The following PI4KA variants were observed in gnomAD, a reference collection of about 807,000 sequenced individuals.
The protein encoded by PI4KA is phosphatidylinositol 4-kinase alpha.
PI4KA carries 122 observed loss-of-function variants against 271.4 expected under a neutral mutation model. That is an observed-to-expected ratio of 0.45 (90% CI 0.39 to 0.52). The LOEUF is 0.52. PI4KA is among the 20% of genes least tolerant of loss of function. PI4KA has a pLI of 0.00. For synonymous variants in PI4KA, 1,041 were observed against 1,078.8 expected, an observed-to-expected ratio of 0.96 and a Z score of 0.69; for missense variants, 1,969 against 2,769.1, an observed-to-expected ratio of 0.71 and a Z score of 6.48.
intron 19 of PI4KA, among the ~76,000 whole-genome samples, chr22:20,784,789 T>C (rs1934077526): frequency 6.6e-6 from 1 of 152,198 alleles, no homozygotes; most frequent in Non-Finnish European, 1.5e-5. Flanking sequence ...ATTGAGATTA[T>C]TATTGGGTCA....
In PI4KA at chr22:20,714,621, C is replaced by G; in HGVS notation, c.5390+7G>C. 6.2e-7 allele frequency: 1 copy of G among 1,613,988 alleles called. No individual in the cohort carries two copies. The highest frequency in any genetic ancestry group is 1.1e-5 in the South Asian group (1 of 91,082). On this transcript the variant is annotated splice_region_variant and intron_variant, in intron 46 of 54. Coordinates refer to ENST00000255882, the MANE Select transcript of PI4KA (RefSeq NM_058004.4). ...GAAGTGGGGGATGGGTAGGGTGAGG[C>G]GCCCACCTCTGCATCGGGGTCCCAG...
intron 8 of PI4KA, among the ~76,000 whole-genome samples, chr22:20,812,012 CAAAA>C (rs361795): frequency 1.3e-5 from 1 of 77,464 alleles, no homozygotes; most frequent in Non-Finnish European, 2.6e-5. Context: ...GACTCCATCT[CAAAA>C]AAAAAAAAAA....
At chr22:20,797,550 C>CTGT (rs1935057048) in intron 17 of PI4KA, among the ~76,000 whole-genome samples, 1 of 152,198 alleles carries the variant, frequency 6.6e-6, no homozygotes, top group African/African-American at 2.4e-5. Context: ...AGTCTTCAGG[C>CTGT]TGTTCTAGTA....
In PI4KA at chr22:20,818,543, G is replaced by A. The variant is rs1449765498; in HGVS notation, c.796C>T (p.Pro266Ser). The stretch of plus-strand genomic sequence containing the variant: ...CTGGGAGGGGGCATGCCGCGTTCAG[G>A]GCTGACCTGAAACACACAACCACAG... ...SSVSSISQVS[P>S]ERGMPPPSSP... Residue 266 changes from proline to serine, a missense_variant, in exon 7 of 55, where the codon CCT (proline) becomes TCT (serine). Physicochemically the swap from Pro to Ser is moderately conservative, Grantham distance 74. Around this residue, in one of 13 missense-constraint regions of PI4KA, gnomAD observed 540 missense variants for 555.5 expected, o/e 0.97. Transcript: ENST00000255882. 6.5e-7 allele frequency: 1 copy of A among 1,543,924 alleles called. No homozygotes were observed. The highest frequency in any genetic ancestry group is 2.3e-5 in the Admixed American group (1 of 44,206).
Position 20,729,490 on chromosome 22 carries a change from C to T in PI4KA, c.4505G>A (p.Arg1502His), listed in dbSNP as rs751448433. The change falls in exon 39 of 55, where the codon CGT becomes CAT. Residue 1502 changes from arginine (R) to histidine (H), a missense_variant. This residue lies in a region of PI4KA where 388 missense variants were observed against 521.5 expected (regional missense o/e 0.74). Transcript: ENST00000255882. ...CAGCGGGTTGTACCATGTGATGAGA[C>T]GCTCGATCTCAGTGGCCTGGCAAGA... ...LLSLLATEIE[R>H]LITWYNPLSA... 1.6e-4 allele frequency: 253 copies of T among 1,599,612 alleles called. No homozygotes were observed. The highest frequency in any genetic ancestry group is 2.0e-4 in the Non-Finnish European group (240 of 1,172,412).
At chr22:20,719,156 C>T (rs1160354793) in intron 43 of PI4KA, among the ~76,000 whole-genome samples, 2 of 151,880 alleles carry the variant, frequency 1.3e-5, no homozygotes, top group African/African-American at 4.8e-5. Context: ...CTGCTGCACA[C>T]GCAGGGAGAA....
intron 3 of PI4KA, among the ~76,000 whole-genome samples, chr22:20,830,246 C>T (rs1185385539): frequency 2.0e-5 from 3 of 152,156 alleles, no homozygotes; most frequent in African/African-American, 7.2e-5. Flanking sequence ...GTTGAAGTGT[C>T]CCAGTTATTA....
At position 20,805,067 on chromosome 22, in the gene PI4KA, G is replaced by A. The variant is rs201829039; in HGVS notation, c.1267C>T (p.Arg423Trp). The A allele has an allele frequency of 1.3e-5, 21 of 1,614,054 alleles. No homozygotes were observed. The highest frequency in any genetic ancestry group is 1.1e-4 in the East Asian group (5 of 44,880). ...ELQKILHDAD[R>W]IHNELSPLKL... ...AGGGGGCTCAGCTCATTGTGGATCC[G>A]GTCTGCGTCATGTAGAATCTTCTGG... Residue 423 changes from arginine (R) to tryptophan (W), a missense_variant, in exon 11 of 55, where the codon CGG becomes TGG. Coordinates refer to ENST00000255882, the MANE Select transcript of PI4KA (RefSeq NM_058004.4).
At chr22:20,816,719 G>A (rs151250916) in intron 7 of PI4KA, among the ~76,000 whole-genome samples, 1 of 152,342 alleles carries the variant, frequency 6.6e-6, no homozygotes, top group Non-Finnish European at 1.5e-5. Flanking sequence ...CTACAGTGAG[G>A]CATTTCAGAG....
At chr22:20,804,467 A>G in intron 11 of PI4KA, 67 bp from the exon 12 acceptor site, 1 of 1,063,052 alleles carries the variant, frequency 9.4e-7, no homozygotes, top group Non-Finnish European at 1.5e-6. Flanking sequence ...ACACTTATCC[A>G]CCAAGTAAGC....
At chr22:20,831,604 AAAACAAAAAC>A (rs1383020404) in intron 3 of PI4KA, among the ~76,000 whole-genome samples, 538 of 41,954 alleles carry the variant, frequency 0.013, 3 homozygotes, top group Admixed American at 0.03. Context: ...AACAAAAACA[AAAACAAAAAC>A]AAAACAAAAC....
intron 32 of PI4KA, 112 bp downstream of exon 32, chr22:20,742,116 G>T (rs1160410777): frequency 9.3e-7 from 1 of 1,075,604 alleles, no homozygotes; most frequent in Non-Finnish European, 1.4e-6. Flanking sequence ...GGCTTGAGAA[G>T]GTGAGGGGCT....
intron 42 of PI4KA, among the ~76,000 whole-genome samples, chr22:20,722,303 CA>C (rs577769450): frequency 1.9e-3 from 288 of 152,288 alleles, no homozygotes; most frequent in African/African-American, 6.6e-3. Flanking sequence ...TCTCTTGCCT[CA>C]GCCTCCCGAG....
chr22:20,741,319 G>A (rs577782137), intron 32 of PI4KA, among the ~76,000 whole-genome samples: 40 of 152,290 alleles, frequency 2.6e-4, no homozygotes, highest in African/African-American at 9.6e-4. Context: ...CCACCATGCA[G>A]GTGAGGAGCC....
chr22:20,852,874 CTCA>C (rs1927161668), intron 1 of PI4KA, among the ~76,000 whole-genome samples: 1 of 152,186 alleles, frequency 6.6e-6, no homozygotes, highest in South Asian at 2.1e-4. Context: ...TTAGAATTAA[CTCA>C]TCTTATGGAG....
At chr22:20,763,935 T>C (rs1932259977) in intron 22 of PI4KA, among the ~76,000 whole-genome samples, 2 of 152,148 alleles carry the variant, frequency 1.3e-5, no homozygotes, top group Admixed American at 6.5e-5. Flanking sequence ...TTCTTTTATG[T>C]ATTGAGCTTT....
intron 42 of PI4KA, among the ~76,000 whole-genome samples, chr22:20,724,169 G>A (rs1927074371): frequency 6.6e-6 from 1 of 151,950 alleles, no homozygotes. Flanking sequence ...ACCAGGTGTG[G>A]TGGCACATGC....
At chr22:20,829,831 GAGATT>G (rs1170607328) in intron 3 of PI4KA, among the ~76,000 whole-genome samples, 4 of 152,100 alleles carry the variant, frequency 2.6e-5, no homozygotes, top group Non-Finnish European at 5.9e-5. Flanking sequence ...CTGTGTCCCA[GAGATT>G]CTGGTATGTT....
chr22:20,717,078 C>T (rs2329481), intron 45 of PI4KA, among the ~76,000 whole-genome samples: 2 of 152,118 alleles, frequency 1.3e-5, no homozygotes, highest in African/African-American at 2.4e-5. Flanking sequence ...ACTCTGACTC[C>T]ACTAAAAATA....
Sources: gnomAD v4.1 joint callset for allele counts (sites outside exome capture counted in the v4.1 genomes callset) on GRCh38, gnomAD v4.1.1 for gene constraint, gnomAD v4.1.1 regional missense constraint, MANE v1.5 for transcripts, NCBI Gene and HGNC (gene_info 2026-07-23, HGNC 2026-07-21) for gene names.